The following CALN1 variants were observed in gnomAD, a reference collection of about 807,000 sequenced individuals.
CALN1 encodes the protein calneuron 1.
In CALN1, 17 loss-of-function variants were observed where a neutral mutation model predicts 30.6. The observed-to-expected ratio is 0.56, with a 90% CI of 0.38 to 0.83. The LOEUF (loss-of-function observed/expected upper bound fraction) is 0.83. Among genes scored for constraint, CALN1 ranks in the 40% least tolerant of loss-of-function variants. The pLI is 0.00. For missense variants in CALN1, 291 were observed against 354.9 expected (o/e 0.82, Z 1.45); for synonymous variants, 156 against 131.4 (o/e 1.19, Z -1.28).
chr7:71,791,898 C>A (rs1020932629), intron 6 of CALN1, among the ~76,000 whole-genome samples: 1 of 152,190 alleles, frequency 6.6e-6, no homozygotes, highest in Non-Finnish European at 1.5e-5. Flanking sequence ...GCAGTCCCAG[C>A]TACTGGGGAG....
At chr7:72,154,894 A>AT (rs55768005) in intron 3 of CALN1, among the ~76,000 whole-genome samples, 49,264 of 148,712 alleles carry the variant, frequency 0.33, 8,564 homozygotes, top group African/African-American at 0.39. Flanking sequence ...TGTCTCTACA[A>AT]TTTTTTTTTT....
chr7:71,842,749 A>AT (rs1790008078), intron 5 of CALN1, among the ~76,000 whole-genome samples: 1 of 152,190 alleles, frequency 6.6e-6, no homozygotes, highest in Non-Finnish European at 1.5e-5. Flanking sequence ...TTTGAACCCC[A>AT]TAACTATTAG....
intron 3 of CALN1, among the ~76,000 whole-genome samples, chr7:72,130,691 A>G (rs1809080807): frequency 6.6e-6 from 1 of 152,138 alleles, no homozygotes; most frequent in Admixed American, 6.6e-5. Context: ...GTTATGAGGG[A>G]CACTTTCAGT....
intron 1 of CALN1, among the ~76,000 whole-genome samples, chr7:72,429,162 T>C (rs1023262881): frequency 1.3e-5 from 2 of 152,108 alleles, no homozygotes; most frequent in African/African-American, 4.8e-5. Flanking sequence ...AACAGGAAAA[T>C]AGAATCCATC....
intron 2 of CALN1, among the ~76,000 whole-genome samples, chr7:72,284,938 T>C (rs1344944291): frequency 2.0e-5 from 3 of 152,112 alleles, no homozygotes; most frequent in African/African-American, 7.2e-5. Flanking sequence ...CCTTCCTTTT[T>C]TTTCCTCTAC....
intron 3 of CALN1, among the ~76,000 whole-genome samples, chr7:72,227,820 G>GGGC (rs1171685264): frequency 1.3e-5 from 2 of 149,506 alleles, no homozygotes; most frequent in African/African-American, 2.4e-5. Flanking sequence ...ACTGCACTCT[G>GGGC]AATCATTATG....
intron 5 of CALN1, among the ~76,000 whole-genome samples, chr7:71,905,397 A>G (rs1008419838): frequency 8.4e-6 from 1 of 118,830 alleles, no homozygotes; most frequent in East Asian, 2.9e-4. Context: ...TTTTTTTTTT[A>G]TCTCTATCCC....
intron 2 of CALN1, among the ~76,000 whole-genome samples, chr7:72,364,953 T>C (rs538664829): frequency 5.3e-5 from 8 of 151,486 alleles, no homozygotes; most frequent in African/African-American, 2.0e-4. Context: ...GCGGATCACC[T>C]GAGGTCAGGA....
intron 5 of CALN1, among the ~76,000 whole-genome samples, chr7:71,822,526 GCGTGAGTCAC>G (rs1388416745): frequency 2.0e-5 from 3 of 152,214 alleles, no homozygotes; most frequent in African/African-American, 7.2e-5. Context: ...GGGATTGCAG[GCGTGAGTCAC>G]CGTGCCTGGC....
chr7:72,082,870 A>C (rs918785137), intron 4 of CALN1, among the ~76,000 whole-genome samples: 6 of 152,304 alleles, frequency 3.9e-5, no homozygotes, highest in South Asian at 2.1e-4. Flanking sequence ...GTTTTCTTAC[A>C]TGCAGTATCT....
chr7:72,301,330 G>A (rs111806677), intron 2 of CALN1, among the ~76,000 whole-genome samples: 7 of 151,942 alleles, frequency 4.6e-5, no homozygotes, highest in East Asian at 2.0e-4. Flanking sequence ...CAAGCAGGCC[G>A]GGCTGGGTGG....
chr7:72,099,986 T>C (rs1244525353), intron 4 of CALN1, among the ~76,000 whole-genome samples: 4 of 152,052 alleles, frequency 2.6e-5, no homozygotes, highest in African/African-American at 7.2e-5. Context: ...ATGAGCTCTT[T>C]GAACAATATC....
chr7:72,390,124 G>C (rs138070605), intron 2 of CALN1, among the ~76,000 whole-genome samples: 2 of 151,934 alleles, frequency 1.3e-5, no homozygotes, highest in Non-Finnish European at 2.9e-5. Flanking sequence ...AAGAAGCACT[G>C]GCTCTAAGAA....
chr7:72,081,751 G>A (rs1251175121), intron 4 of CALN1, among the ~76,000 whole-genome samples: 1 of 152,012 alleles, frequency 6.6e-6, no homozygotes, highest in Non-Finnish European at 1.5e-5. Context: ...CTCCTCCCTG[G>A]ACTAGCCAGA....
intron 3 of CALN1, among the ~76,000 whole-genome samples, chr7:72,246,376 C>A (rs996904271): frequency 6.6e-6 from 1 of 152,118 alleles, no homozygotes; most frequent in Non-Finnish European, 1.5e-5. Flanking sequence ...TCAGAAGACT[C>A]GGGCTCTGCG....
At chr7:72,436,938 C>A (rs1421541920) in intron 1 of CALN1, among the ~76,000 whole-genome samples, 1 of 152,072 alleles carries the variant, frequency 6.6e-6, no homozygotes, top group Non-Finnish European at 1.5e-5. Context: ...AGCGTGGTGG[C>A]ACACACCTGT....
In CALN1 at chr7:72,140,530, T is replaced by A. The variant is rs546453228; in HGVS notation, c.245-34236A>T. Reference sequence around the variant, plus strand: ...GGAAATCTTGCTGAAAGTATTTCCCTCTCCCTCCTATCAAAGGAAGACAAG... The same window carrying A: ...GGAAATCTTGCTGAAAGTATTTCCCACTCCCTCCTATCAAAGGAAGACAAG... On this transcript the variant is annotated intron_variant, in intron 3 of 6. Transcript: ENST00000395275. Among the ~76,000 whole-genome samples, 57 of 152,300 alleles carry A rather than the reference T, an allele frequency of 3.7e-4. No individual in the cohort carries two copies. The South Asian group carries it at 0.011, about 30-fold the overall frequency.
rs187288011 is a variant in CALN1 at position 72,074,503 on chromosome 7, G to A, written c.388+31648C>T. Among the ~76,000 whole-genome samples the A allele has an allele frequency of 4.9e-4, 75 of 152,250 alleles. No homozygotes were observed. In the East Asian group the frequency reaches 0.014, roughly 28 times the overall value. ...GCTCACTGCAACCTCTGCCTCCCACGTTCAAGCGATTCTCCTGCCTCAGCC... is the reference window on the plus strand; with the variant it reads ...GCTCACTGCAACCTCTGCCTCCCACATTCAAGCGATTCTCCTGCCTCAGCC... On this transcript the variant is annotated intron_variant, in intron 4 of 6. Transcript: ENST00000395275.
chr7:72,325,342 TG>T (rs1265107804), intron 2 of CALN1, among the ~76,000 whole-genome samples: 2 of 152,112 alleles, frequency 1.3e-5, no homozygotes, highest in Non-Finnish European at 2.9e-5. Flanking sequence ...GGCTCATGCC[TG>T]TAATTCCAGC....
Sources: gnomAD v4.1 joint callset for allele counts (sites outside exome capture counted in the v4.1 genomes callset) on GRCh38, gnomAD v4.1.1 for gene constraint, MANE v1.5 for transcripts, NCBI Gene and HGNC (gene_info 2026-07-23, HGNC 2026-07-21) for gene names.